The following PTPRD variants were observed in gnomAD, a reference collection of about 807,000 sequenced individuals.
PTPRD encodes protein tyrosine phosphatase receptor type D.
Under a neutral mutation model 214.5 loss-of-function variants are expected in PTPRD, and 34 were observed. The ratio of observed to expected loss-of-function variants is 0.16; its 90% confidence interval spans 0.12 to 0.21. The LOEUF is 0.21. Ranked by LOEUF, PTPRD falls within the 10% of genes least tolerant of loss-of-function variation. The pLI is 1.00. For missense variants in PTPRD, 2,545 were observed against 2,398.7 expected, an observed-to-expected ratio of 1.06 and a Z score of -1.27; for synonymous variants, 1,128 against 845.7, an observed-to-expected ratio of 1.33 and a Z score of -5.79.
chr9:8,627,582 C>T (rs538651486), intron 14 of PTPRD, among the ~76,000 whole-genome samples: 2 of 151,982 alleles, frequency 1.3e-5, no homozygotes, highest in South Asian at 2.1e-4. Flanking sequence ...TACAAGTGTG[C>T]TCATTTTTTC....
At chr9:9,682,793 C>T (rs1010654680) in intron 7 of PTPRD, among the ~76,000 whole-genome samples, 10 of 151,834 alleles carry the variant, frequency 6.6e-5, no homozygotes, top group East Asian at 5.8e-4. Flanking sequence ...CACATAGCCA[C>T]GTGACTGTTC....
At chr9:9,589,668 T>C (rs1203314747) in intron 7 of PTPRD, among the ~76,000 whole-genome samples, 1 of 152,022 alleles carries the variant, frequency 6.6e-6, no homozygotes, top group Admixed American at 6.6e-5. Flanking sequence ...TTTTTAAAAA[T>C]CTAAAATGCC....
intron 12 of PTPRD, among the ~76,000 whole-genome samples, chr9:8,719,906 C>T (rs1410338051): frequency 6.6e-6 from 1 of 151,756 alleles, no homozygotes; most frequent in Non-Finnish European, 1.5e-5. Context: ...ATCTAGAATA[C>T]CATCTGTGTT....
intron 6 of PTPRD, among the ~76,000 whole-genome samples, chr9:9,740,501 G>C (rs990439811): frequency 6.9e-6 from 1 of 145,572 alleles, no homozygotes; most frequent in South Asian, 2.2e-4. Flanking sequence ...GGGACTATAG[G>C]CGCCCGCCAC....
intron 10 of PTPRD, among the ~76,000 whole-genome samples, chr9:9,111,339 G>C (rs572601991): frequency 7.1e-6 from 1 of 141,692 alleles, no homozygotes; most frequent in East Asian, 2.1e-4. Flanking sequence ...ACTGTTCAAT[G>C]ATCACCTTAT....
At chr9:8,961,020 C>G (rs2099155881) in intron 11 of PTPRD, among the ~76,000 whole-genome samples, 1 of 151,930 alleles carries the variant, frequency 6.6e-6, no homozygotes, top group African/African-American at 2.4e-5. Flanking sequence ...ACTAGGGAGT[C>G]AAATATCAAC....
intron 12 of PTPRD, among the ~76,000 whole-genome samples, chr9:8,688,342 G>A (rs143769814): frequency 0.012 from 1,763 of 152,148 alleles, 14 homozygotes; most frequent in African/African-American, 0.021. Context: ...CAAGGCGGGC[G>A]GATCACAAGT....
rs367762521 is a variant in PTPRD, at chr9:8,893,742, G to A, written c.-104+124955C>T. 3.4e-4 allele frequency among the ~76,000 whole-genome samples: 52 copies of A among 152,220 alleles called. No individual in the cohort carries two copies. In the East Asian group the frequency reaches 6.6e-3, roughly 19 times the overall value. On this transcript the variant is annotated intron_variant, in intron 11 of 45. Transcript: ENST00000381196. ...AATAAGATACACATTTGAAAATGTG[G>A]TATATTAATTGGGCCACTCTTCAGA...
At chr9:8,498,542 T>C (rs981141534) in intron 25 of PTPRD, among the ~76,000 whole-genome samples, 1 of 152,210 alleles carries the variant, frequency 6.6e-6, no homozygotes, top group Non-Finnish European at 1.5e-5. Flanking sequence ...GACGAGAACG[T>C]AGAACTGGGC....
intron 10 of PTPRD, among the ~76,000 whole-genome samples, chr9:9,145,006 C>A (rs2099866332): frequency 1.3e-5 from 2 of 152,126 alleles, no homozygotes; most frequent in African/African-American, 2.4e-5. Context: ...CAAATATCAG[C>A]AAAGTAAAGG....
At chr9:10,073,913 G>A (rs922242778) in intron 3 of PTPRD, among the ~76,000 whole-genome samples, 1 of 152,074 alleles carries the variant, frequency 6.6e-6, no homozygotes, top group Admixed American at 6.6e-5. Flanking sequence ...TTTATAAATT[G>A]TATGGACTGA....
intron 26 of PTPRD, among the ~76,000 whole-genome samples, chr9:8,496,940 G>C (rs2097288156): frequency 1.3e-5 from 2 of 152,138 alleles, no homozygotes; most frequent in South Asian, 4.1e-4. Context: ...CAAAAGATTA[G>C]ACAACACCCC....
At chr9:8,434,026 G>C (rs1224270160) in intron 35 of PTPRD, among the ~76,000 whole-genome samples, 1 of 152,118 alleles carries the variant, frequency 6.6e-6, no homozygotes, top group Non-Finnish European at 1.5e-5. Context: ...TTGTCACCCA[G>C]GCTGGAGTGC....
chr9:8,453,428 T>C (rs1489623089), intron 33 of PTPRD, among the ~76,000 whole-genome samples: 1 of 151,932 alleles, frequency 6.6e-6, no homozygotes, highest in East Asian at 1.9e-4. Context: ...CCTCCCAGAG[T>C]GCTGGGATTA....
intron 3 of PTPRD, among the ~76,000 whole-genome samples, chr9:10,238,800 T>C (rs1052229954): frequency 2.0e-5 from 3 of 151,994 alleles, no homozygotes; most frequent in Non-Finnish European, 4.4e-5. Context: ...GATAATTGAA[T>C]AATGTTTAAG....
At chr9:10,202,754 G>T (rs532989369) in intron 3 of PTPRD, among the ~76,000 whole-genome samples, 1 of 147,526 alleles carries the variant, frequency 6.8e-6, no homozygotes, top group East Asian at 2.0e-4. Flanking sequence ...GATGCAGTTT[G>T]ATCTTTCACA....
At chr9:10,028,683 G>A (rs1184550304) in intron 4 of PTPRD, among the ~76,000 whole-genome samples, 1 of 152,140 alleles carries the variant, frequency 6.6e-6, no homozygotes, top group East Asian at 1.9e-4. Context: ...ACTTGAGGGG[G>A]ATGATTTAGG....
rs1564283052 is a variant in PTPRD at position 9,646,318 on chromosome 9, G to GTGT, written c.-286-71538_-286-71537insACA. 5.8e-3 allele frequency among the ~76,000 whole-genome samples: 791 copies of GTGT among 137,274 alleles called. 2 individuals are homozygous for GTGT. Among genetic ancestry groups the GTGT allele is most frequent in the African/African-American group, 0.021 (740 of 36,058 alleles). 90.1% of individuals were successfully genotyped at this position (137,274 alleles called of 152,430 possible). A position where few individuals can be genotyped will look rare whatever the true frequency, so the allele number is the denominator to read the frequency against. ...TTTGGGAGGGGTGTGTGTGTGTGTG[G>GTGT]GTGTGTGTGTGTGTGTGTGTGTGTG... is the stretch of plus-strand genomic sequence containing the variant. On this transcript the variant is annotated intron_variant, in intron 7 of 45. Transcript: ENST00000381196.
At chr9:10,376,540 T>C (rs1445834798) in intron 2 of PTPRD, among the ~76,000 whole-genome samples, 3 of 151,596 alleles carry the variant, frequency 2.0e-5, no homozygotes, top group Non-Finnish European at 4.4e-5. Context: ...AAATAACCAG[T>C]TGATTGGAGG....
Sources: allele counts gnomAD v4.1 joint callset (sites outside exome capture counted in the v4.1 genomes callset), GRCh38; gene constraint gnomAD v4.1.1; transcripts MANE v1.5; gene names NCBI Gene and HGNC (gene_info 2026-07-23, HGNC 2026-07-21).